Variants in TBC1D5 observed in about 807,000 individuals in gnomAD.
TBC1D5 encodes TBC1 domain family, member 5.
TBC1D5 carries 75 observed loss-of-function variants against 100.3 expected under a neutral mutation model. The ratio of observed to expected loss-of-function variants is 0.75; its 90% CI spans 0.62 to 0.91. TBC1D5 has a LOEUF of 0.91. Among genes scored for constraint, TBC1D5 ranks in the 40% least tolerant of loss-of-function variants. TBC1D5 has a pLI of 0.00. For missense variants in TBC1D5, 910 were observed against 942.4 expected (o/e 0.97, Z 0.45); for synonymous variants, 323 against 325.6 (o/e 0.99, Z 0.09).
At chr3:17,617,866 T>C (rs946456391) in intron 2 of TBC1D5, among the ~76,000 whole-genome samples, 2 of 152,196 alleles carry the variant, frequency 1.3e-5, no homozygotes, top group Non-Finnish European at 2.9e-5. Flanking sequence ...CTCAAAGAAG[T>C]TTGTTATTAC....
chr3:17,264,403 T>A (rs77628798), intron 15 of TBC1D5, among the ~76,000 whole-genome samples: 1,664 of 152,304 alleles, frequency 0.011, 32 homozygotes, highest in African/African-American at 0.037. Flanking sequence ...AGAAGTCTCA[T>A]CTTGCTTTGA....
At chr3:17,490,784 C>T (rs1002595350) in intron 3 of TBC1D5, among the ~76,000 whole-genome samples, 3 of 152,004 alleles carry the variant, frequency 2.0e-5, no homozygotes, top group Non-Finnish European at 4.4e-5. Context: ...TTAGGATTGT[C>T]TTGGATATTT....
chr3:17,339,208 T>TAATCAA lies in TBC1D5; in HGVS notation c.996-31075_996-31074insTTGATT, dbSNP rs201890209. Among the ~76,000 whole-genome samples, 103 of 152,308 alleles carry TAATCAA rather than the reference T, an allele frequency of 6.8e-4. 1 individual carries two copies. The East Asian group carries it at 0.019, about 28-fold the overall frequency. ...ATTATCATGGCACACTATGAAAACT[T>TAATCAA]GATTAATAACACTGAAGATATTGTT... On this transcript the variant is annotated intron_variant, in intron 13 of 21. Coordinates refer to ENST00000253692, the Ensembl canonical transcript of TBC1D5.
At chr3:17,741,225 G>C (rs1371550713), upstream of TBC1D5, among the ~76,000 whole-genome samples, 3 of 152,184 alleles carry the variant, frequency 2.0e-5, no homozygotes, top group African/African-American at 4.8e-5. Flanking sequence ...TTTTTAATAA[G>C]AGCCCCAAGT....
chr3:17,387,995 C>A (rs576602695), intron 8 of TBC1D5, among the ~76,000 whole-genome samples: 1 of 152,042 alleles, frequency 6.6e-6, no homozygotes, highest in South Asian at 2.1e-4. Context: ...GTCTTTCTTT[C>A]TACATTTGTC....
At chr3:17,213,539 G>A (rs1238134854) in intron 18 of TBC1D5, among the ~76,000 whole-genome samples, 1 of 152,082 alleles carries the variant, frequency 6.6e-6, no homozygotes, top group Admixed American at 6.5e-5. Flanking sequence ...GCCAAGGCGG[G>A]CAGATCACTT....
intron 1 of TBC1D5, among the ~76,000 whole-genome samples, chr3:17,693,133 G>C (rs1358024449): frequency 6.6e-6 from 1 of 152,184 alleles, no homozygotes; most frequent in Non-Finnish European, 1.5e-5. Context: ...GGCCAAATAG[G>C]AACAGCTTCA....
chr3:17,482,008 T>C lies in TBC1D5; in HGVS notation c.97+26466A>G, dbSNP rs570826495. On this transcript the variant is annotated intron_variant, in intron 3 of 21. Coordinates refer to ENST00000253692, the Ensembl canonical transcript of TBC1D5. ...CACCAGCCTTGGCTTCCCAAAGTGCTGGGATTACAGGCATGGGCCACCGCG... is the reference window on the plus strand; with the variant it reads ...CACCAGCCTTGGCTTCCCAAAGTGCCGGGATTACAGGCATGGGCCACCGCG... 2.4e-4 allele frequency among the ~76,000 whole-genome samples: 36 copies of C among 152,376 alleles called. No homozygotes were observed. In the East Asian group the frequency reaches 6.9e-3, roughly 29 times the overall value.
At chr3:17,285,904 A>G (rs2081142394) in intron 15 of TBC1D5, among the ~76,000 whole-genome samples, 1 of 152,230 alleles carries the variant, frequency 6.6e-6, no homozygotes, top group Non-Finnish European at 1.5e-5. Flanking sequence ...TTATATTTTT[A>G]TAGTGTGTTT....
At chr3:17,516,324 T>C (rs2095986959) in intron 2 of TBC1D5, among the ~76,000 whole-genome samples, 2 of 152,178 alleles carry the variant, frequency 1.3e-5, no homozygotes, top group African/African-American at 4.8e-5. Context: ...TTATAGCAAG[T>C]GCTAATTTGT....
At chr3:17,698,997 G>A (rs892660677) in intron 1 of TBC1D5, among the ~76,000 whole-genome samples, 1 of 150,776 alleles carries the variant, frequency 6.6e-6, no homozygotes, top group African/African-American at 2.4e-5. Context: ...ATTCCTCAGG[G>A]ATCTAGAACT....
intron 13 of TBC1D5, among the ~76,000 whole-genome samples, chr3:17,313,157 G>C (rs1048262836): frequency 2.6e-5 from 4 of 152,128 alleles, no homozygotes; most frequent in African/African-American, 9.7e-5. Context: ...GGAGCAGTTG[G>C]AATCTTAGCC....
chr3:17,549,441 G>C (rs2096452668), intron 2 of TBC1D5, among the ~76,000 whole-genome samples: 1 of 152,084 alleles, frequency 6.6e-6, no homozygotes, highest in African/African-American at 2.4e-5. Context: ...TAAAAGTAAA[G>C]ATATCTAAAA....
At chr3:17,630,650 C>T (rs563766303) in intron 1 of TBC1D5, among the ~76,000 whole-genome samples, 5 of 152,194 alleles carry the variant, frequency 3.3e-5, no homozygotes, top group African/African-American at 1.2e-4. Flanking sequence ...GGCCTTACAA[C>T]GGCCTCTTAG....
At chr3:17,214,815 C>T (rs949626815) in intron 17 of TBC1D5, among the ~76,000 whole-genome samples, 18 of 152,142 alleles carry the variant, frequency 1.2e-4, no homozygotes, top group Admixed American at 1.2e-3. Context: ...CATCTCTCCT[C>T]TTCCCTCTGG....
At chr3:17,432,169 C>T (rs1326974009) in intron 3 of TBC1D5, among the ~76,000 whole-genome samples, 1 of 151,956 alleles carries the variant, frequency 6.6e-6, no homozygotes, top group African/African-American at 2.4e-5. Context: ...CATTAGAGAA[C>T]TGTCAACATA....
intron 18 of TBC1D5, among the ~76,000 whole-genome samples, chr3:17,204,886 G>C (rs545745140): frequency 6.6e-6 from 1 of 152,272 alleles, no homozygotes; most frequent in East Asian, 1.9e-4. Flanking sequence ...CTTTGCAATA[G>C]AGTTACATGA....
At chr3:17,344,264 C>A (rs1410600604) in intron 13 of TBC1D5, among the ~76,000 whole-genome samples, 1 of 152,040 alleles carries the variant, frequency 6.6e-6, no homozygotes, top group African/African-American at 2.4e-5. Flanking sequence ...CATTCTTATA[C>A]ACCAACAACA....
intron 4 of TBC1D5, among the ~76,000 whole-genome samples, chr3:17,425,927 G>GGA (rs746612489): frequency 3.5e-4 from 54 of 152,118 alleles, no homozygotes; most frequent in Non-Finnish European, 7.1e-4. Flanking sequence ...TAAAACAGTT[G>GGA]TGGGAAGGAA....
Sources: gnomAD v4.1 joint callset for allele counts (sites outside exome capture counted in the v4.1 genomes callset) on GRCh38, gnomAD v4.1.1 for gene constraint, MANE v1.5 for transcripts, NCBI Gene and HGNC (gene_info 2026-07-23, HGNC 2026-07-21) for gene names.